ATXN1: variants seen among roughly 807,000 people sequenced by gnomAD.
ATXN1 encodes the protein ataxin-1.
A neutral mutation model predicts 56.4 loss-of-function variants in ATXN1; 8 were observed. The ratio of observed to expected loss-of-function variants is 0.14; its 90% CI spans 0.08 to 0.26. The LOEUF (loss-of-function observed/expected upper bound fraction) is 0.26. ATXN1 is among the 10% of genes least tolerant of loss of function. The probability of loss-of-function intolerance (pLI) is 1.00; values close to 1 mark genes in which losing one functional copy is unlikely to be tolerated. For synonymous variants in ATXN1, 514 were observed against 494.6 expected, an observed-to-expected ratio of 1.04 and a Z score of -0.52; for missense variants, 987 against 1,106.5, an observed-to-expected ratio of 0.89 and a Z score of 1.53.
At chr6:16,493,025 T>C (rs906756196) in intron 5 of ATXN1, among the ~76,000 whole-genome samples, 3 of 152,154 alleles carry the variant, frequency 2.0e-5, no homozygotes, top group Non-Finnish European at 2.9e-5. Context: ...CACCGCCCCA[T>C]GCTAGCTCAG....
At chr6:16,631,763 A>G (rs16878684) in intron 3 of ATXN1, among the ~76,000 whole-genome samples, 11,545 of 152,242 alleles carry the variant, frequency 0.076, 1,455 homozygotes, top group African/African-American at 0.26. Flanking sequence ...CTAATCAATA[A>G]GAGTTTTGTT....
At chr6:16,664,587 T>C (rs975106713) in intron 2 of ATXN1, among the ~76,000 whole-genome samples, 1 of 152,096 alleles carries the variant, frequency 6.6e-6, no homozygotes, top group Non-Finnish European at 1.5e-5. Flanking sequence ...TGTAAATCTA[T>C]GAGGGGAGAA....
intron 5 of ATXN1, among the ~76,000 whole-genome samples, chr6:16,500,759 AAC>A (rs1225208587): frequency 0.028 from 4,131 of 149,950 alleles, 99 homozygotes; most frequent in South Asian, 0.091. Flanking sequence ...AAAAAAAAAA[AAC>A]ATTGAGGAAA....
chr6:16,685,038 T>C (rs765092236), intron 2 of ATXN1, among the ~76,000 whole-genome samples: 11 of 147,482 alleles, frequency 7.5e-5, no homozygotes, highest in Middle Eastern at 3.4e-3. Flanking sequence ...CACACACACA[T>C]ACGTACATGC....
At chr6:16,560,767 A>C (rs1341077140) in intron 4 of ATXN1, among the ~76,000 whole-genome samples, 1 of 152,202 alleles carries the variant, frequency 6.6e-6, no homozygotes, top group African/African-American at 2.4e-5. Flanking sequence ...TCAGCATCAC[A>C]AAAGAGGTGG....
intron 3 of ATXN1, among the ~76,000 whole-genome samples, chr6:16,603,287 C>T (rs576729095): frequency 6.6e-6 from 1 of 152,320 alleles, no homozygotes; most frequent in East Asian, 1.9e-4. Flanking sequence ...TTCCAAGAGG[C>T]TTTAAGCCTT....
At chr6:16,473,820 C>T (rs923850785) in intron 6 of ATXN1, among the ~76,000 whole-genome samples, 55 of 152,188 alleles carry the variant, frequency 3.6e-4, no homozygotes, top group East Asian at 1.5e-3. Flanking sequence ...TGAAAGTACA[C>T]GTCAGCTTTG....
chr6:16,608,784 T>G (rs1025778451), intron 3 of ATXN1, among the ~76,000 whole-genome samples: 1 of 152,238 alleles, frequency 6.6e-6, no homozygotes, highest in Non-Finnish European at 1.5e-5. Flanking sequence ...ACAAAAGCTG[T>G]GTGTCTGACA....
chr6:16,471,631 G>A (rs1760219169), intron 6 of ATXN1, among the ~76,000 whole-genome samples: 2 of 152,062 alleles, frequency 1.3e-5, no homozygotes, highest in Non-Finnish European at 2.9e-5. Flanking sequence ...GCACCTCTCT[G>A]TAGCTGGGCA....
intron 3 of ATXN1, among the ~76,000 whole-genome samples, chr6:16,627,619 C>T (rs538241125): frequency 1.3e-5 from 2 of 152,028 alleles, no homozygotes; most frequent in Non-Finnish European, 2.9e-5. Context: ...ACTAGCTACT[C>T]GGGAGGCTGA....
Position 16,306,035 on chromosome 6 carries a change from C to T in ATXN1, c.*294G>A, listed in dbSNP as rs767696535. ...TCAGCGCCCCCGGCTGCTTCTGTGC[C>T]GCTAGAGAAGGCAGGCACTGTGAAG... On this transcript the variant is annotated 3_prime_UTR_variant, in exon 8 of 8. Coordinates refer to ENST00000436367, the MANE Select transcript of ATXN1 (RefSeq NM_001128164.2). The surrounding 1 kb of genome is among the most constrained non-coding windows in gnomAD (Gnocchi z 5.2). The T allele has an allele frequency of 7.3e-5, 20 of 275,588 alleles. No homozygotes were observed. Among genetic ancestry groups the T allele is most frequent in the Non-Finnish European group, 1.3e-4 (18 of 143,134 alleles). 17.1% of individuals were successfully genotyped at this position (275,588 alleles called of 1,614,324 possible). A position where few individuals can be genotyped will look rare whatever the true frequency, so the allele number is the denominator to read the frequency against.
intron 5 of ATXN1, among the ~76,000 whole-genome samples, chr6:16,494,815 A>G (rs925589990): frequency 6.6e-6 from 1 of 152,252 alleles, no homozygotes; most frequent in Non-Finnish European, 1.5e-5. Flanking sequence ...GCTCCTATTG[A>G]CAACTTATTC....
chr6:16,732,416 C>T (rs964843792), intron 2 of ATXN1, among the ~76,000 whole-genome samples: 1 of 152,094 alleles, frequency 6.6e-6, no homozygotes, highest in Non-Finnish European at 1.5e-5. Flanking sequence ...ACTGAAAATA[C>T]AAAAATTAAC....
chr6:16,621,950 C>T (rs559373517), intron 3 of ATXN1, among the ~76,000 whole-genome samples: 1 of 152,240 alleles, frequency 6.6e-6, no homozygotes, highest in Non-Finnish European at 1.5e-5. Flanking sequence ...TATCTGAGTG[C>T]CACCATTTTT....
At chr6:16,728,614 T>C (rs1386181726) in intron 2 of ATXN1, among the ~76,000 whole-genome samples, 1 of 152,160 alleles carries the variant, frequency 6.6e-6, no homozygotes, top group East Asian at 1.9e-4. Flanking sequence ...AATGGTAATA[T>C]CATCATAGCA....
chr6:16,753,277 T>C lies in ATXN1; in HGVS notation c.-659A>G, dbSNP rs1005026212. 1.5e-5 allele frequency: 7 copies of C among 456,650 alleles called. No individual in the cohort carries two copies. The highest frequency in any genetic ancestry group is 6.0e-5 in the African/African-American group (3 of 50,136). The allele number at this position is 456,650 out of a possible 1,614,324, so 28.3% of individuals were successfully genotyped here. ...CCTGTAGTGGCAGTGGAGGAGGAGA[T>C]TGCTGTACAAGGATGACAAACAAAT... On this transcript the variant is annotated 5_prime_UTR_variant, in exon 2 of 8. Transcript: ENST00000436367.
Position 16,301,351 on chromosome 6 carries a change from T to G in ATXN1, c.*4978A>C, listed in dbSNP as rs993020484. On this transcript the variant is annotated 3_prime_UTR_variant, in exon 8 of 8. Coordinates refer to ENST00000436367, the MANE Select transcript of ATXN1 (RefSeq NM_001128164.2). The stretch of plus-strand genomic sequence containing the variant: ...AGGTAACGTATTTGAAGCGAGGTCA[T>G]CTATGTAAAAGAAATCTCAGCTCCG... 2.6e-5 allele frequency: 4 copies of G among 152,620 alleles called. No individual in the cohort carries two copies. The highest frequency in any genetic ancestry group is 9.7e-5 in the African/African-American group (4 of 41,442). The allele number at this position is 152,620 out of a possible 1,614,324, so 9.5% of individuals were successfully genotyped here.
intron 6 of ATXN1, among the ~76,000 whole-genome samples, chr6:16,466,177 C>T: frequency 6.6e-6 from 1 of 151,690 alleles, no homozygotes; most frequent in East Asian, 1.9e-4. Context: ...TAGCTGGGCG[C>T]AGTGGCAGGT....
chr6:16,577,237 G>A (rs62389005), intron 4 of ATXN1, among the ~76,000 whole-genome samples: 33,289 of 152,078 alleles, frequency 0.22, 4,237 homozygotes, highest in South Asian at 0.33. Flanking sequence ...AAAATCTTGT[G>A]GTTTGGCCGG....
Sources: gnomAD v4.1 joint callset for allele counts (sites outside exome capture counted in the v4.1 genomes callset) on GRCh38, gnomAD v4.1.1 for gene constraint, Gnocchi (gnomAD v3.1) non-coding constraint, MANE v1.5 for transcripts, NCBI Gene and HGNC (gene_info 2026-07-23, HGNC 2026-07-21) for gene names.